Variants in CSMD1 observed in about 807,000 individuals in gnomAD.
CSMD1 encodes CUB and sushi domain-containing protein 1.
CSMD1 carries 213 observed loss-of-function variants against 417.5 expected under a neutral mutation model. That is an observed-to-expected ratio of 0.51 (90% CI 0.46 to 0.57). The LOEUF (loss-of-function observed/expected upper bound fraction) is 0.57, where lower values mean the gene tolerates loss of function less well. Among genes scored for constraint, CSMD1 ranks in the 20% least tolerant of loss-of-function variants. CSMD1 has a pLI of 0.00. For missense variants in CSMD1, 6,923 were observed against 4,529.7 expected (o/e 1.53, Z -15.17); for synonymous variants, 2,862 against 1,736.8 (o/e 1.65, Z -16.11).
At chr8:3,750,304 C>T (rs940586663) in intron 6 of CSMD1, among the ~76,000 whole-genome samples, 1 of 150,278 alleles carries the variant, frequency 6.7e-6, no homozygotes, top group East Asian at 1.9e-4. Flanking sequence ...TTAAAATGTT[C>T]TTCTCCACTT....
At chr8:3,903,037 G>C (rs765675993) in intron 5 of CSMD1, among the ~76,000 whole-genome samples, 3 of 152,078 alleles carry the variant, frequency 2.0e-5, no homozygotes, top group Non-Finnish European at 4.4e-5. Context: ...TATTAAAGTA[G>C]CGTGTAGCTG....
At chr8:2,970,259 C>T (rs1286302609) in intron 57 of CSMD1, among the ~76,000 whole-genome samples, 4 of 152,270 alleles carry the variant, frequency 2.6e-5, no homozygotes, top group Non-Finnish European at 4.4e-5. Flanking sequence ...ACATTGCCCA[C>T]CCTCAACTGT....
chr8:4,874,029 CATCT>C (rs935165265), intron 1 of CSMD1, among the ~76,000 whole-genome samples: 17 of 152,124 alleles, frequency 1.1e-4, no homozygotes, highest in Middle Eastern at 3.2e-3. Context: ...ATTAGTCTAT[CATCT>C]ATCTATCTGT....
chr8:3,574,540 C>T (rs1424058423), intron 10 of CSMD1, among the ~76,000 whole-genome samples: 4 of 152,152 alleles, frequency 2.6e-5, no homozygotes, highest in Non-Finnish European at 4.4e-5. Flanking sequence ...AGCGACTGAG[C>T]CCGGCCAAAA....
In CSMD1 at chr8:3,906,626, CT is replaced by C. The variant is rs200562415; in HGVS notation, c.818+91276del. The stretch of plus-strand genomic sequence containing the variant: ...TACTCTAGAATCTAACAAACCTAAG[CT>C]TTTTTTTTTTTTCAGATTTGCAAAG... On this transcript the variant is annotated intron_variant, in intron 5 of 69. Transcript: ENST00000635120. Among the ~76,000 whole-genome samples the C allele has an allele frequency of 4.6e-3, 643 of 139,746 alleles. 1 individual carries two copies. The highest frequency in any genetic ancestry group is 0.019 in the Middle Eastern group (5 of 264). The allele number at this position is 139,746 out of a possible 152,430, so 91.7% of individuals were successfully genotyped here. A position where few individuals can be genotyped will look rare whatever the true frequency, so the allele number is the denominator to read the frequency against.
At chr8:4,737,885 G>C (rs1030986884) in intron 1 of CSMD1, among the ~76,000 whole-genome samples, 8 of 152,160 alleles carry the variant, frequency 5.3e-5, no homozygotes, top group African/African-American at 1.9e-4. Flanking sequence ...GTTAATCCCA[G>C]ATAATAAGGA....
intron 7 of CSMD1, among the ~76,000 whole-genome samples, chr8:3,690,263 G>A (rs776221419): frequency 4.6e-5 from 7 of 152,222 alleles, no homozygotes; most frequent in Non-Finnish European, 8.8e-5. Flanking sequence ...GGAGGAGGCT[G>A]AGTCAGAAGG....
At chr8:4,879,345 G>A (rs1188217818) in intron 1 of CSMD1, among the ~76,000 whole-genome samples, 7 of 152,052 alleles carry the variant, frequency 4.6e-5, no homozygotes, top group Non-Finnish European at 1.0e-4. Context: ...AGTTAGGAAA[G>A]TGAGATGGGA....
At chr8:4,153,868 G>A (rs996175671) in intron 3 of CSMD1, among the ~76,000 whole-genome samples, 4 of 152,194 alleles carry the variant, frequency 2.6e-5, no homozygotes, top group African/African-American at 7.2e-5. Flanking sequence ...TGGCTTTCCT[G>A]ACTCATGGCA....
intron 23 of CSMD1, among the ~76,000 whole-genome samples, chr8:3,320,085 C>A (rs1009807697): frequency 6.6e-6 from 1 of 152,178 alleles, no homozygotes; most frequent in East Asian, 1.9e-4. Context: ...CTGCCACCAG[C>A]GCACACAGAA....
At chr8:3,921,155 C>G (rs1203073128) in intron 5 of CSMD1, among the ~76,000 whole-genome samples, 2 of 152,030 alleles carry the variant, frequency 1.3e-5, no homozygotes, top group East Asian at 1.9e-4. Context: ...TGTATTGACC[C>G]TTTGAGATTT....
chr8:4,319,746 G>C (rs1433018593), intron 3 of CSMD1, among the ~76,000 whole-genome samples: 1 of 152,050 alleles, frequency 6.6e-6, no homozygotes, highest in African/African-American at 2.4e-5. Flanking sequence ...TTGCCGGGGG[G>C]CCAAAGGCTG....
chr8:4,216,890 T>C lies in CSMD1; in HGVS notation c.416-184791A>G, dbSNP rs1232766568. 1.3e-5 allele frequency among the ~76,000 whole-genome samples: 2 copies of C among 152,224 alleles called. 1 individual carries two copies. The highest frequency in any genetic ancestry group is 2.9e-5 in the Non-Finnish European group (2 of 68,036). On this transcript the variant is annotated intron_variant, in intron 3 of 69. Transcript: ENST00000635120. ...CAGTCTCCCTTTTTTCCTTCTTTTC[T>C]TGCCCAGTTTTGATTTCCAGCATCC...
intron 4 of CSMD1, among the ~76,000 whole-genome samples, chr8:4,015,741 TG>T (rs2130465644): frequency 6.6e-6 from 1 of 151,444 alleles, no homozygotes; most frequent in African/African-American, 2.4e-5. Flanking sequence ...ACTGACAATG[TG>T]TTTTGACATG....
At chr8:4,667,667 T>C (rs772412605) in intron 1 of CSMD1, among the ~76,000 whole-genome samples, 1 of 152,322 alleles carries the variant, frequency 6.6e-6, no homozygotes, top group African/African-American at 2.4e-5. Flanking sequence ...TCTTCAGTGA[T>C]TGTTGGTTAA....
chr8:3,442,056 CA>C (rs1815019856), intron 12 of CSMD1, among the ~76,000 whole-genome samples: 2 of 138,284 alleles, frequency 1.4e-5, no homozygotes, highest in African/African-American at 5.4e-5. Context: ...AAATTTTAAA[CA>C]AAAAATTTTA....
At chr8:3,960,665 T>C (rs1178325614) in intron 5 of CSMD1, among the ~76,000 whole-genome samples, 1 of 151,984 alleles carries the variant, frequency 6.6e-6, no homozygotes, top group Non-Finnish European at 1.5e-5. Context: ...AATCAAGAAG[T>C]TATGATAAAA....
At chr8:4,876,685 T>C (rs1451010473) in intron 1 of CSMD1, among the ~76,000 whole-genome samples, 1 of 152,094 alleles carries the variant, frequency 6.6e-6, no homozygotes, top group Admixed American at 6.5e-5. Context: ...TAGGTGCATA[T>C]AGTCTCCTTC....
intron 3 of CSMD1, among the ~76,000 whole-genome samples, chr8:4,108,362 C>T (rs1801678106): frequency 6.6e-6 from 1 of 152,094 alleles, no homozygotes; most frequent in Non-Finnish European, 1.5e-5. Context: ...CAAGATCTCA[C>T]CCCGGGTATC....
Sources: gnomAD v4.1 joint callset for allele counts (sites outside exome capture counted in the v4.1 genomes callset) on GRCh38, gnomAD v4.1.1 for gene constraint, MANE v1.5 for transcripts, NCBI Gene and HGNC (gene_info 2026-07-23, HGNC 2026-07-21) for gene names.